Variants in RIPOR3 observed in about 807,000 individuals in gnomAD.
RIPOR3 encodes the protein RIPOR family member 3, also known as family with sequence similarity 65 member C.
In RIPOR3, 95 loss-of-function variants were observed where a neutral mutation model predicts 114.3. The observed-to-expected ratio is 0.83, with a 90% CI of 0.70 to 0.99. The LOEUF is 0.99. Ranked by LOEUF, RIPOR3 falls within the 50% of genes least tolerant of loss-of-function variation. The pLI, the probability that RIPOR3 is intolerant of heterozygous loss-of-function variation, is 0.00. For synonymous variants in RIPOR3, 575 were observed against 543.8 expected (o/e 1.06, Z -0.80); for missense variants, 1,252 against 1,266.9 (o/e 0.99, Z 0.18).
intron 1 of RIPOR3, among the ~76,000 whole-genome samples, chr20:50,650,750 C>T (rs2085572930): frequency 6.6e-6 from 1 of 152,166 alleles, no homozygotes; most frequent in Admixed American, 6.5e-5. Flanking sequence ...TTATTATCAG[C>T]ACCCAAGACC....
At chr20:50,645,979 C>T (rs2123363216) in intron 1 of RIPOR3, 1 of 152,352 alleles carries the variant, frequency 6.6e-6, no homozygotes, top group African/African-American at 2.4e-5. Flanking sequence ...ATCCTGGTGC[C>T]TATTGGAGAG....
Position 50,608,682 on chromosome 20 carries a change from A to G in RIPOR3, c.741T>C (p.Asp247=). ...RWKLKGRIES[D]DSQTWDEEEK... ...CCTCTTCGTCCCAGGTCTGGCTGTC[A>G]TCTGACTCGATCCGACCCTTGAGCT... The change falls in exon 10 of 22, where the codon GAT becomes GAC. Residue 247 remains aspartate (D), a synonymous_variant. Transcript: ENST00000327979. 6.2e-7 allele frequency: 1 copy of G among 1,614,032 alleles called. No homozygotes were observed. The highest frequency in any genetic ancestry group is 8.5e-7 in the Non-Finnish European group (1 of 1,179,914).
At chr20:50,688,059 A>G (rs950912082) in intron 1 of RIPOR3, among the ~76,000 whole-genome samples, 5 of 152,260 alleles carry the variant, frequency 3.3e-5, no homozygotes, top group African/African-American at 1.2e-4. Context: ...AAAATCTGTA[A>G]TCAACCTATG....
At chr20:50,610,362 T>C (rs988404163) in intron 6 of RIPOR3, among the ~76,000 whole-genome samples, 1 of 152,074 alleles carries the variant, frequency 6.6e-6, no homozygotes, top group East Asian at 1.9e-4. Flanking sequence ...GCCTGGTTTT[T>C]CAACAATGAA....
intron 1 of RIPOR3, among the ~76,000 whole-genome samples, chr20:50,665,352 CAAG>C (rs969716403): frequency 2.0e-5 from 3 of 148,768 alleles, no homozygotes; most frequent in African/African-American, 7.4e-5. Context: ...GAGGCTGAGG[CAAG>C]AAGATTGCTG....
In RIPOR3 at chr20:50,620,062, G is replaced by C. The variant is rs148432777; in HGVS notation, c.193C>G (p.Arg65Gly). The stretch of plus-strand genomic sequence containing the variant: ...GGGTCTGCACAGACCGACCCCTTCC[G>C]CAGCGTGCCGTACATCTTGGAGGAT... ...AKSSKMYGTL[R>G]KGSVCADPKP... The change falls in exon 3 of 22, where the codon CGG becomes GGG. Residue 65 changes from arginine to glycine, a missense_variant. By Grantham distance (125) the Arg-to-Gly change is moderately radical (BLOSUM62 -2). Coordinates refer to ENST00000327979, the MANE Select transcript of RIPOR3 (RefSeq NM_001290268.2). 52 of 1,614,014 alleles carry C rather than the reference G, an allele frequency of 3.2e-5. No homozygotes were observed. The highest frequency in any genetic ancestry group is 3.7e-5 in the Non-Finnish European group (44 of 1,180,012).
At chr20:50,689,860 C>T (rs2087150457) in intron 1 of RIPOR3, among the ~76,000 whole-genome samples, 1 of 152,126 alleles carries the variant, frequency 6.6e-6, no homozygotes, top group South Asian at 2.1e-4. Flanking sequence ...TACAGAGCTG[C>T]TTTGGGATGG....
At chr20:50,619,218 G>A (rs2084300867) in intron 3 of RIPOR3, among the ~76,000 whole-genome samples, 1 of 151,876 alleles carries the variant, frequency 6.6e-6, no homozygotes, top group Non-Finnish European at 1.5e-5. Flanking sequence ...GTTGCAGTGA[G>A]CTGAGATCAC....
intron 1 of RIPOR3, among the ~76,000 whole-genome samples, chr20:50,686,466 G>C (rs894500902): frequency 6.6e-6 from 1 of 152,128 alleles, no homozygotes; most frequent in East Asian, 1.9e-4. Flanking sequence ...CGCATGCTTG[G>C]GGCCGGGCAT....
intron 2 of RIPOR3, among the ~76,000 whole-genome samples, chr20:50,622,789 T>C (rs1200713895): frequency 6.6e-6 from 1 of 152,148 alleles, no homozygotes; most frequent in Non-Finnish European, 1.5e-5. Context: ...AACAACACAC[T>C]ACCCAAGGCT....
At position 50,633,980 on chromosome 20, in the gene RIPOR3, C is replaced by CTTT. The variant is rs375758598; in HGVS notation, c.4-3127_4-3125dup. The stretch of plus-strand genomic sequence containing the variant: ...TTCCTTTTCCTTCTTTCTTTCTTTT[C>CTTT]TTTTTTTTTTTTTTTTTTTTAGACA... On this transcript the variant is annotated intron_variant, in intron 1 of 21. Transcript: ENST00000327979. 2.4e-3 allele frequency among the ~76,000 whole-genome samples: 313 copies of CTTT among 131,038 alleles called. 2 individuals are homozygous for CTTT. The highest frequency in any genetic ancestry group is 8.1e-3 in the Middle Eastern group (2 of 248). The allele number at this position is 131,038 out of a possible 152,430, so 86.0% of individuals were successfully genotyped here. A position where few individuals can be genotyped will look rare whatever the true frequency, so the allele number is the denominator to read the frequency against.
chr20:50,587,189 CAAAAA>C lies in RIPOR3; in HGVS notation c.*38_*42del, dbSNP rs750986720. The C allele has an allele frequency of 1.3e-6, 2 of 1,505,712 alleles. No individual in the cohort carries two copies. The highest frequency in any genetic ancestry group is 3.4e-5 in the Admixed American group (2 of 59,306). The allele number at this position is 1,505,712 out of a possible 1,614,324, so 93.3% of individuals were successfully genotyped here. Reference sequence around the variant, plus strand: ...AGGCTATGTCCAGGCTGGGCAGCAGCAAAAAAAACGATGTGAGATTTGTGCTCATC... The same window carrying C: ...AGGCTATGTCCAGGCTGGGCAGCAGCAAACGATGTGAGATTTGTGCTCATC... On this transcript the variant is annotated 3_prime_UTR_variant, in exon 22 of 22. Coordinates refer to ENST00000327979, the MANE Select transcript of RIPOR3 (RefSeq NM_001290268.2).
At chr20:50,588,231 C>G (rs891206082) in intron 20 of RIPOR3, among the ~76,000 whole-genome samples, 2 of 152,252 alleles carry the variant, frequency 1.3e-5, no homozygotes, top group African/African-American at 4.8e-5. Context: ...GCCCTACTCT[C>G]CAGGACAGCC....
chr20:50,664,892 AG>A (rs2086129443), intron 1 of RIPOR3, among the ~76,000 whole-genome samples: 1 of 151,780 alleles, frequency 6.6e-6, no homozygotes. Context: ...ACCTGAGGTT[AG>A]GAGTTTGAGA....
chr20:50,609,852 A>G, intron 6 of RIPOR3, 130 bp from the exon 7 acceptor site: 1 of 1,057,776 alleles, frequency 9.5e-7, no homozygotes, highest in South Asian at 2.2e-5. Context: ...CCATGGTGAC[A>G]GTCACTACCT....
chr20:50,664,076 G>A (rs1040124210), intron 1 of RIPOR3, among the ~76,000 whole-genome samples: 25 of 152,032 alleles, frequency 1.6e-4, no homozygotes, highest in Admixed American at 1.4e-3. Context: ...ACAGGCTCTC[G>A]CCACTACACC....
chr20:50,611,316 G>A, intron 4 of RIPOR3, 112 bp from the exon 5 acceptor site: 1 of 1,432,112 alleles, frequency 7.0e-7, no homozygotes, highest in Non-Finnish European at 9.7e-7. Flanking sequence ...AGGACAGAAA[G>A]CCATGTCTAC....
intron 1 of RIPOR3, among the ~76,000 whole-genome samples, chr20:50,686,199 G>A (rs1294859813): frequency 1.3e-5 from 2 of 151,930 alleles, no homozygotes; most frequent in East Asian, 4.0e-4. Flanking sequence ...TGGGATTACA[G>A]GCGCCCACCA....
intron 1 of RIPOR3, among the ~76,000 whole-genome samples, chr20:50,635,992 G>C (rs1034804765): frequency 7.9e-5 from 12 of 152,248 alleles, no homozygotes; most frequent in African/African-American, 2.9e-4. Context: ...AACCTCTTTT[G>C]GCTTCAGGGT....
Sources: gnomAD v4.1 joint callset for allele counts (sites outside exome capture counted in the v4.1 genomes callset) on GRCh38, gnomAD v4.1.1 for gene constraint, MANE v1.5 for transcripts, NCBI Gene and HGNC (gene_info 2026-07-23, HGNC 2026-07-21) for gene names.